NCOR1: variants seen among roughly 807,000 people sequenced by gnomAD.
The protein encoded by NCOR1 is nuclear receptor corepressor 1, also known as protein phosphatase 1, regulatory subunit 109.
NCOR1 carries 63 observed loss-of-function variants against 288.1 expected under a neutral mutation model. The ratio of observed to expected loss-of-function variants is 0.22; its 90% confidence interval spans 0.18 to 0.27. The LOEUF is 0.27. Among genes scored for constraint, NCOR1 ranks in the 10% least tolerant of loss-of-function variants. The pLI is 1.00. For missense variants in NCOR1, 2,397 were observed against 3,019.2 expected (o/e 0.79, Z 4.83); for synonymous variants, 1,007 against 1,065.9 (o/e 0.94, Z 1.08).
At chr17:16,179,099 C>T (rs999632265) in intron 3 of NCOR1, among the ~76,000 whole-genome samples, 6 of 152,030 alleles carry the variant, frequency 3.9e-5, no homozygotes, top group African/African-American at 1.4e-4. Flanking sequence ...TGAGACTCCA[C>T]CTCAAACAAA....
chr17:16,057,299 A>G, intron 40 of NCOR1: 1 of 559,628 alleles, frequency 1.8e-6, no homozygotes, highest in Admixed American at 3.1e-5. Context: ...GAATATAATC[A>G]TCTTTTGAAT....
At chr17:16,141,661 T>C (rs534137319) in intron 11 of NCOR1, among the ~76,000 whole-genome samples, 8 of 152,336 alleles carry the variant, frequency 5.3e-5, no homozygotes, top group African/African-American at 1.4e-4. Flanking sequence ...TTTTTCATCC[T>C]GGAGAAAAAC....
chr17:16,087,480 C>T (rs137871334), intron 22 of NCOR1: 1 of 358,116 alleles, frequency 2.8e-6, no homozygotes, highest in African/African-American at 2.1e-5. Flanking sequence ...GGGCAAAATT[C>T]ACCCACAGAG....
chr17:16,058,635 C>A lies in NCOR1; in HGVS notation c.5882-36G>T, dbSNP rs753666309. The A allele has an allele frequency of 5.7e-6, 9 of 1,577,190 alleles. No individual in the cohort carries two copies. In the South Asian group the frequency reaches 1.0e-4, roughly 18 times the overall value. The stretch of plus-strand genomic sequence containing the variant: ...AGAAAATCTTATTTCAAAACTAATC[C>A]CAGGAAAAGTTTCTGAAGTCTAAGT... On this transcript the variant is annotated intron_variant, in intron 37 of 45. Coordinates refer to ENST00000268712, the MANE Select transcript of NCOR1 (RefSeq NM_006311.4).
intron 10 of NCOR1, 99 bp downstream of exon 10, chr17:16,146,277 C>T (rs1599401386): frequency 3.6e-6 from 4 of 1,108,822 alleles, no homozygotes; most frequent in Non-Finnish European, 5.0e-6. Context: ...CCGAGAAACA[C>T]CCAAGAATGA....
intron 42 of NCOR1, among the ~76,000 whole-genome samples, chr17:16,043,694 G>A (rs1597743121): frequency 6.6e-6 from 1 of 152,340 alleles, no homozygotes; most frequent in East Asian, 1.9e-4. Flanking sequence ...AAGGTGAAAT[G>A]ATTTGCATCT....
At chr17:16,200,539 C>T (rs2090650966) in intron 1 of NCOR1, among the ~76,000 whole-genome samples, 1 of 142,530 alleles carries the variant, frequency 7.0e-6, no homozygotes, top group African/African-American at 2.5e-5. Context: ...ATATACTTCA[C>T]TGTGGCAGGA....
Position 16,031,305 on chromosome 17 carries a change from C to T in NCOR1, c.*991G>A, listed in dbSNP as rs926824285. 9 of 191,828 alleles carry T rather than the reference C, an allele frequency of 4.7e-5. No homozygotes were observed. The highest frequency in any genetic ancestry group is 2.1e-4 in the African/African-American group (9 of 43,050). 11.9% of individuals were successfully genotyped at this position (191,828 alleles called of 1,614,324 possible). A position where few individuals can be genotyped will look rare whatever the true frequency, so the allele number is the denominator to read the frequency against. On this transcript the variant is annotated 3_prime_UTR_variant, in exon 46 of 46. Transcript: ENST00000268712. ...ACTACACAGATCATTATCTTTTAAC[C>T]CAACCAATCATATATTCAAACTAAG...
At chr17:16,073,140 C>G (rs888434070) in intron 28 of NCOR1, among the ~76,000 whole-genome samples, 3 of 152,350 alleles carry the variant, frequency 2.0e-5, no homozygotes, top group African/African-American at 7.2e-5. Context: ...CAGGAATAAT[C>G]TGCAAATTGT....
At chr17:16,202,425 T>C (rs2090961274) in intron 1 of NCOR1, among the ~76,000 whole-genome samples, 1 of 150,406 alleles carries the variant, frequency 6.6e-6, no homozygotes, top group Admixed American at 6.6e-5. Flanking sequence ...AGAACAAATA[T>C]ACTTCACAAC....
chr17:16,038,698 A>T (rs2056943040), intron 44 of NCOR1, among the ~76,000 whole-genome samples: 1 of 152,036 alleles, frequency 6.6e-6, no homozygotes, highest in Non-Finnish European at 1.5e-5. Flanking sequence ...TTACCCTCCC[A>T]AAGTGCTATG....
Position 16,101,598 on chromosome 17 carries a change from T to C in NCOR1, c.2342A>G (p.Glu781Gly). ...ACTGATGCTGTCATTCACCTGGGTC[T>C]CCACACTTTCATCTTCAGCTGGTTT... ...STKPAEDESVETQVNDSISAE... is the reference protein window; with the variant it reads ...STKPAEDESVGTQVNDSISAE... Residue 781 changes from glutamate to glycine, a missense_variant, in exon 20 of 46, where the codon GAG becomes GGG. Transcript: ENST00000268712. 1 of 1,614,224 alleles carries C rather than the reference T, an allele frequency of 6.2e-7. No homozygotes were observed. Among genetic ancestry groups the C allele is most frequent in the South Asian group, 1.1e-5 (1 of 91,076 alleles).
At chr17:16,144,122 C>T (rs2077518701) in intron 10 of NCOR1, among the ~76,000 whole-genome samples, 1 of 151,946 alleles carries the variant, frequency 6.6e-6, no homozygotes, top group South Asian at 2.1e-4. Flanking sequence ...TTACATGAGA[C>T]AATAAAAAAG....
chr17:16,035,810 G>A (rs1020996936), intron 44 of NCOR1, among the ~76,000 whole-genome samples: 1 of 152,052 alleles, frequency 6.6e-6, no homozygotes, highest in Non-Finnish European at 1.5e-5. Context: ...CCAAAGTGCT[G>A]GGATTACAGG....
chr17:16,199,497 C>A (rs1457305465), intron 1 of NCOR1, among the ~76,000 whole-genome samples: 3 of 152,026 alleles, frequency 2.0e-5, no homozygotes, highest in African/African-American at 7.2e-5. Context: ...AATGGGAGAC[C>A]TAGGATTCAT....
chr17:16,210,221 T>C (rs2091987755), intron 1 of NCOR1, among the ~76,000 whole-genome samples: 2 of 151,782 alleles, frequency 1.3e-5, no homozygotes, highest in African/African-American at 2.4e-5. Flanking sequence ...CTGTCTCTAC[T>C]AAAAAATACA....
chr17:16,176,323 C>T (rs1180358077), intron 3 of NCOR1, among the ~76,000 whole-genome samples: 2 of 152,148 alleles, frequency 1.3e-5, no homozygotes, highest in Non-Finnish European at 2.9e-5. Context: ...GGCTAGAGTA[C>T]AGTGGTGCGA....
In NCOR1 at chr17:16,029,897, G is replaced by A. The variant is rs1245032370; in HGVS notation, c.*2399C>T. On this transcript the variant is annotated 3_prime_UTR_variant, in exon 46 of 46. Coordinates refer to ENST00000268712, the MANE Select transcript of NCOR1 (RefSeq NM_006311.4). ...CAGCACCTCACCTTCGGGTCCTCAG[G>A]TAGAACTGCAAGAGTAAGAAGTTAG... 1 of 153,676 alleles carries A rather than the reference G, an allele frequency of 6.5e-6. No individual in the cohort carries two copies. The highest frequency in any genetic ancestry group is 1.5e-5 in the Non-Finnish European group (1 of 68,886). The allele number at this position is 153,676 out of a possible 1,614,324, so 9.5% of individuals were successfully genotyped here.
chr17:16,211,582 A>G (rs78314206), intron 1 of NCOR1, among the ~76,000 whole-genome samples: 7,526 of 152,218 alleles, frequency 0.049, 223 homozygotes, highest in African/African-American at 0.093. Context: ...TCGCTGTTAA[A>G]TAAAAGTAAC....
Sources: gnomAD v4.1 joint callset for allele counts (sites outside exome capture counted in the v4.1 genomes callset) on GRCh38, gnomAD v4.1.1 for gene constraint, MANE v1.5 for transcripts, NCBI Gene and HGNC (gene_info 2026-07-23, HGNC 2026-07-21) for gene names.